DLG2: variants seen among roughly 807,000 people sequenced by gnomAD.
DLG2 encodes the protein discs large MAGUK scaffold protein 2.
DLG2 carries 45 observed loss-of-function variants against 132.5 expected under a neutral mutation model. The observed-to-expected ratio is 0.34, with a 90% CI of 0.27 to 0.44. The LOEUF is 0.44. DLG2 is among the 20% of genes least tolerant of loss of function. DLG2 has a pLI of 1.00. For synonymous variants in DLG2, 424 were observed against 419.6 expected, an observed-to-expected ratio of 1.01 and a Z score of -0.13; for missense variants, 1,045 against 1,196.9, an observed-to-expected ratio of 0.87 and a Z score of 1.87.
intron 7 of DLG2, among the ~76,000 whole-genome samples, chr11:84,477,893 T>C (rs2099126077): frequency 6.6e-6 from 1 of 152,186 alleles, no homozygotes; most frequent in Non-Finnish European, 1.5e-5. Context: ...CATTAAAAAA[T>C]ATATTTTATC....
intron 7 of DLG2, among the ~76,000 whole-genome samples, chr11:84,316,213 C>T (rs909681413): frequency 6.6e-6 from 1 of 152,148 alleles, no homozygotes; most frequent in African/African-American, 2.4e-5. Context: ...AAACTTATTG[C>T]TTCTCCATGA....
chr11:83,804,185 T>C (rs1407831369), intron 17 of DLG2, among the ~76,000 whole-genome samples: 2 of 152,072 alleles, frequency 1.3e-5, no homozygotes, highest in Non-Finnish European at 2.9e-5. Flanking sequence ...CCAATTGCAA[T>C]CAGTCAAATC....
Position 83,471,696 on chromosome 11 carries a change from C to A in DLG2, c.2376G>T (p.Gly792=), listed in dbSNP as rs768333171. The A allele has an allele frequency of 4.3e-6, 7 of 1,612,892 alleles. No individual in the cohort carries two copies. Among genetic ancestry groups the A allele is most frequent in the Admixed American group, 1.7e-5 (1 of 59,870 alleles). The part of the protein sequence containing the change: ...INYTRPVIIL[G]PMKDRINDDL... Reference sequence around the variant, plus strand: ...CGTCATTGATCCGATCCTTCATGGGCCCCAGGATAATCACCGGCCGGGTGT... The same window carrying A: ...CGTCATTGATCCGATCCTTCATGGGACCCAGGATAATCACCGGCCGGGTGT... The change falls in exon 24 of 28, where the codon GGG becomes GGT. Residue 792 remains glycine, a synonymous_variant. Coordinates refer to ENST00000376104, the MANE Select transcript of DLG2 (RefSeq NM_001142699.3).
chr11:85,146,586 G>A (rs559336780), intron 5 of DLG2, among the ~76,000 whole-genome samples: 63 of 152,168 alleles, frequency 4.1e-4, no homozygotes, highest in Admixed American at 2.9e-3. Context: ...TTATTTTACC[G>A]TGGCTGAGCT....
At chr11:83,695,994 C>A (rs1002786348) in intron 18 of DLG2, among the ~76,000 whole-genome samples, 2 of 152,174 alleles carry the variant, frequency 1.3e-5, no homozygotes, top group African/African-American at 4.8e-5. Flanking sequence ...CATTCTCTGT[C>A]ATGTGGGTCA....
At chr11:84,323,243 A>G (rs1389698927) in intron 7 of DLG2, among the ~76,000 whole-genome samples, 1 of 151,876 alleles carries the variant, frequency 6.6e-6, no homozygotes, top group Non-Finnish European at 1.5e-5. Flanking sequence ...TCCACTTTCT[A>G]TTTCTTTGAG....
At chr11:83,523,108 T>G (rs2095525031) in intron 21 of DLG2, among the ~76,000 whole-genome samples, 1 of 152,200 alleles carries the variant, frequency 6.6e-6, no homozygotes, top group Admixed American at 6.5e-5. Context: ...TAAAAACTTT[T>G]GCAAAGTGAA....
chr11:85,508,027 A>G (rs145238113), intron 3 of DLG2, among the ~76,000 whole-genome samples: 37 of 152,230 alleles, frequency 2.4e-4, no homozygotes, highest in African/African-American at 8.7e-4. Context: ...TGCATCATGT[A>G]GTTCTCGTGC....
intron 9 of DLG2, among the ~76,000 whole-genome samples, chr11:84,131,656 A>G (rs1279124685): frequency 1.3e-5 from 2 of 151,916 alleles, no homozygotes; most frequent in East Asian, 1.9e-4. Flanking sequence ...AAGGTGACTC[A>G]GTTGTAATCA....
At chr11:84,006,203 T>C (rs995131080) in intron 11 of DLG2, among the ~76,000 whole-genome samples, 1 of 151,842 alleles carries the variant, frequency 6.6e-6, no homozygotes, top group Non-Finnish European at 1.5e-5. Flanking sequence ...GGTCATTATA[T>C]AAAGTGAAAT....
At chr11:84,607,060 A>AT (rs1335061766) in intron 6 of DLG2, among the ~76,000 whole-genome samples, 1 of 151,828 alleles carries the variant, frequency 6.6e-6, no homozygotes, top group Non-Finnish European at 1.5e-5. Flanking sequence ...ATAGAGCTTA[A>AT]TTTTTTTTAG....
intron 5 of DLG2, among the ~76,000 whole-genome samples, chr11:85,142,817 T>C (rs919534853): frequency 7.3e-5 from 11 of 151,600 alleles, no homozygotes; most frequent in Non-Finnish European, 1.2e-4. Flanking sequence ...AAATGAAATA[T>C]GGTTTTATCC....
chr11:85,095,762 C>A (rs572217135), intron 6 of DLG2, among the ~76,000 whole-genome samples: 6 of 152,340 alleles, frequency 3.9e-5, no homozygotes, highest in Admixed American at 3.3e-4. Context: ...CACACAGTTT[C>A]ATGCACACCA....
At chr11:83,638,681 A>G (rs2065508620) in intron 18 of DLG2, among the ~76,000 whole-genome samples, 1 of 152,142 alleles carries the variant, frequency 6.6e-6, no homozygotes, top group African/African-American at 2.4e-5. Context: ...GGAATGAGCC[A>G]CAGATGGCCA....
chr11:85,092,072 A>C (rs2154176491), intron 6 of DLG2, among the ~76,000 whole-genome samples: 1 of 152,350 alleles, frequency 6.6e-6, no homozygotes, highest in African/African-American at 2.4e-5. Flanking sequence ...ATAAGACTTG[A>C]AAATTAAAAT....
chr11:84,530,952 T>A (rs2099337133), intron 7 of DLG2, among the ~76,000 whole-genome samples: 1 of 151,838 alleles, frequency 6.6e-6, no homozygotes, highest in South Asian at 2.1e-4. Context: ...CATAAAAACT[T>A]CGGGAGGCCA....
intron 11 of DLG2, among the ~76,000 whole-genome samples, chr11:84,030,768 T>A (rs2095668139): frequency 6.6e-6 from 1 of 152,052 alleles, no homozygotes; most frequent in Non-Finnish European, 1.5e-5. Flanking sequence ...GAAGGAAGAT[T>A]GGGAGCTGCA....
chr11:84,615,840 A>AAAAAAAAAAAAAAAT (rs1565462492), intron 6 of DLG2, among the ~76,000 whole-genome samples: 1 of 126,222 alleles, frequency 7.9e-6, no homozygotes. Context: ...AAAAAAAAAA[A>AAAAAAAAAAAAAAAT]CTTCATTCCA....
chr11:83,679,120 G>A (rs2078287039), intron 18 of DLG2, among the ~76,000 whole-genome samples: 2 of 151,966 alleles, frequency 1.3e-5, no homozygotes, highest in Admixed American at 1.3e-4. Context: ...AGACAGGCGT[G>A]GGTTTAAATC....
Sources: allele counts gnomAD v4.1 joint callset (sites outside exome capture counted in the v4.1 genomes callset), GRCh38; gene constraint gnomAD v4.1.1; transcripts MANE v1.5; gene names NCBI Gene and HGNC (gene_info 2026-07-23, HGNC 2026-07-21).